The following AOPEP variants were observed in gnomAD, a reference collection of about 807,000 sequenced individuals.
The protein encoded by AOPEP is aminopeptidase O (putative).
A neutral mutation model predicts 98.1 loss-of-function variants in AOPEP; 77 were observed. The observed-to-expected ratio is 0.78, with a 90% CI of 0.65 to 0.95. The LOEUF (loss-of-function observed/expected upper bound fraction) is 0.95. Ranked by LOEUF, AOPEP falls within the 40% of genes least tolerant of loss-of-function variation. AOPEP has a pLI of 0.00. For synonymous variants in AOPEP, 346 were observed against 365.3 expected, an observed-to-expected ratio of 0.95 and a Z score of 0.60; for missense variants, 1,024 against 1,024.7, an observed-to-expected ratio of 1.00 and a Z score of 0.01.
intron 1 of AOPEP, among the ~76,000 whole-genome samples, chr9:94,743,803 C>T (rs941950107): frequency 6.6e-6 from 1 of 152,044 alleles, no homozygotes; most frequent in African/African-American, 2.4e-5. Flanking sequence ...GGAGGGGAAA[C>T]GTGGATGGGA....
chr9:94,757,908 A>G (rs919598759), intron 1 of AOPEP, among the ~76,000 whole-genome samples: 1 of 152,218 alleles, frequency 6.6e-6, no homozygotes, highest in Non-Finnish European at 1.5e-5. Context: ...GGATTTATCG[A>G]AGGTTATTAT....
intron 7 of AOPEP, chr9:94,935,009 C>G (rs2056035921): frequency 6.6e-6 from 1 of 152,206 alleles, no homozygotes; most frequent in Non-Finnish European, 1.5e-5. Flanking sequence ...GGCTGTGTGT[C>G]CCCGCCCAAA....
chr9:94,926,368 C>G (rs78239266), intron 6 of AOPEP, among the ~76,000 whole-genome samples: 3,113 of 152,288 alleles, frequency 0.02, 113 homozygotes, highest in African/African-American at 0.071. Flanking sequence ...AAAGGGACAG[C>G]AGGAGCTGAG....
At chr9:94,944,996 A>G (rs1166014399) in intron 7 of AOPEP, among the ~76,000 whole-genome samples, 1 of 152,188 alleles carries the variant, frequency 6.6e-6, no homozygotes, top group Admixed American at 6.5e-5. Flanking sequence ...GGGTTGATCA[A>G]CAATCATCTG....
chr9:94,996,350 CTGTGTGTGTG>C (rs10608161), intron 11 of AOPEP, among the ~76,000 whole-genome samples: 7,584 of 141,868 alleles, frequency 0.053, 264 homozygotes, highest in South Asian at 0.12. Flanking sequence ...TTACTTGCCT[CTGTGTGTGTG>C]TGTGTGTGTG....
chr9:95,074,187 G>A (rs1359926483), intron 14 of AOPEP, among the ~76,000 whole-genome samples: 1 of 152,116 alleles, frequency 6.6e-6, no homozygotes, highest in Admixed American at 6.5e-5. Flanking sequence ...CTCCTAGGTG[G>A]CTCAGGCCTG....
At chr9:95,088,661 C>T (rs1289167572), downstream of AOPEP, among the ~76,000 whole-genome samples, 2 of 152,212 alleles carry the variant, frequency 1.3e-5, no homozygotes, top group East Asian at 1.9e-4. Flanking sequence ...TCAAGAGCTG[C>T]GGGTGGCTCA....
At chr9:95,117,968 C>A in the AOPEP span, among the ~76,000 whole-genome samples, 1 of 151,284 alleles carries the variant, frequency 6.6e-6, no homozygotes, top group Admixed American at 6.6e-5. Context: ...GTGATCTGGC[C>A]GCCTCGGCCT....
chr9:95,088,296 G>A (rs1465867201), downstream of AOPEP, among the ~76,000 whole-genome samples: 2 of 151,492 alleles, frequency 1.3e-5, no homozygotes, highest in South Asian at 2.1e-4. Flanking sequence ...TGCAACCTCC[G>A]CCTCCCGGGT....
chr9:95,042,729 TG>T (rs2065445266), intron 13 of AOPEP, among the ~76,000 whole-genome samples: 1 of 152,218 alleles, frequency 6.6e-6, no homozygotes, highest in African/African-American at 2.4e-5. Context: ...GCTGTCTTTT[TG>T]GTTCTCTCTC....
intron 5 of AOPEP, among the ~76,000 whole-genome samples, chr9:94,807,112 A>G (rs965842409): frequency 6.6e-6 from 1 of 152,192 alleles, no homozygotes; most frequent in African/African-American, 2.4e-5. Context: ...TGAGGCAGCC[A>G]TAGAATCTGG....
At chr9:94,943,252 A>G (rs2057216123) in intron 7 of AOPEP, among the ~76,000 whole-genome samples, 1 of 152,228 alleles carries the variant, frequency 6.6e-6, no homozygotes, top group Admixed American at 6.5e-5. Context: ...CAGAATATAT[A>G]AAGAACACTT....
chr9:95,086,361 C>G, intron 16 of AOPEP: 1 of 985,450 alleles, frequency 1.0e-6, no homozygotes, highest in African/African-American at 1.7e-5. Context: ...GAGGCAGGGC[C>G]CAGCTCTCCC....
At chr9:94,805,485 T>C (rs1448149303) in intron 5 of AOPEP, among the ~76,000 whole-genome samples, 1 of 147,080 alleles carries the variant, frequency 6.8e-6, no homozygotes, top group Non-Finnish European at 1.5e-5. Context: ...TTGTTTTTTG[T>C]TTTTTGTTTT....
intron 16 of AOPEP, chr9:95,085,990 C>CT (rs779071535): frequency 2.9e-6 from 4 of 1,363,400 alleles, no homozygotes; most frequent in Non-Finnish European, 3.9e-6. Context: ...AGCTGAGGCG[C>CT]TGCTTCTCCG....
At chr9:94,907,396 C>T (rs756957412) in intron 5 of AOPEP, among the ~76,000 whole-genome samples, 1 of 152,108 alleles carries the variant, frequency 6.6e-6, no homozygotes, top group African/African-American at 2.4e-5. Flanking sequence ...AGTGCAGCTG[C>T]CATGTTTCAA....
chr9:94,844,577 G>A (rs1463212780), intron 5 of AOPEP, among the ~76,000 whole-genome samples: 2 of 152,146 alleles, frequency 1.3e-5, no homozygotes, highest in East Asian at 3.8e-4. Context: ...ACTGTATAGT[G>A]GAACCCAGAA....
At chr9:94,999,395 AG>A (rs1360549422) in intron 11 of AOPEP, among the ~76,000 whole-genome samples, 1 of 152,232 alleles carries the variant, frequency 6.6e-6, no homozygotes, top group Non-Finnish European at 1.5e-5. Flanking sequence ...TTTCTAGAAG[AG>A]GGAAAAGGGA....
chr9:95,005,869 G>A (rs2061973687), intron 13 of AOPEP: 1 of 573,882 alleles, frequency 1.7e-6, no homozygotes, highest in African/African-American at 1.9e-5. Flanking sequence ...TCGGACTTAA[G>A]TGGGTTCCAT....
Sources: gnomAD v4.1 joint callset for allele counts (sites outside exome capture counted in the v4.1 genomes callset) on GRCh38, gnomAD v4.1.1 for gene constraint, MANE v1.5 for transcripts, NCBI Gene and HGNC (gene_info 2026-07-23, HGNC 2026-07-21) for gene names.